SEPTIN9: variants seen among roughly 807,000 people sequenced by gnomAD.
SEPTIN9 encodes the protein septin-9.
SEPTIN9 carries 13 observed loss-of-function variants against 56.6 expected under a neutral mutation model. The observed-to-expected ratio is 0.23, with a 90% CI of 0.15 to 0.37. The LOEUF (loss-of-function observed/expected upper bound fraction) is 0.37. Among genes scored for constraint, SEPTIN9 ranks in the 10% least tolerant of loss-of-function variants. The pLI is 1.00. For synonymous variants in SEPTIN9, 332 were observed against 334.1 expected, an observed-to-expected ratio of 0.99 and a Z score of 0.07; for missense variants, 650 against 823.1, an observed-to-expected ratio of 0.79 and a Z score of 2.57.
At chr17:77,481,142 C>T (rs538639533) in intron 3 of SEPTIN9, among the ~76,000 whole-genome samples, 2 of 152,366 alleles carry the variant, frequency 1.3e-5, no homozygotes, top group South Asian at 4.1e-4. Context: ...GGGTCCTCAG[C>T]AGGCGTCTTC....
At chr17:77,311,499 G>T (rs151142978) in intron 2 of SEPTIN9, among the ~76,000 whole-genome samples, 2 of 152,172 alleles carry the variant, frequency 1.3e-5, no homozygotes, top group African/African-American at 2.4e-5. Context: ...AGGGCCCTGT[G>T]GGGGCAAGGC....
At chr17:77,284,169 G>C (rs2031165414) in intron 1 of SEPTIN9, among the ~76,000 whole-genome samples, 1 of 152,168 alleles carries the variant, frequency 6.6e-6, no homozygotes, top group Non-Finnish European at 1.5e-5. Flanking sequence ...AGGATCGCTT[G>C]AGCCCAGGAG....
chr17:77,499,817 G>A lies in SEPTIN9; in HGVS notation c.*1159G>A, dbSNP rs978804549. On this transcript the variant is annotated 3_prime_UTR_variant, in exon 12 of 12. Coordinates refer to ENST00000427177, the MANE Select transcript of SEPTIN9 (RefSeq NM_001113491.2). ...GGGAGGTGGGAGGCCAGGCGAGCCT[G>A]ACTCTGTTGATCTACCCGTGCCTGG... The A allele has an allele frequency of 3.0e-6, 1 of 336,434 alleles. No individual in the cohort carries two copies. Among genetic ancestry groups the A allele is most frequent in the Non-Finnish European group, 5.6e-6 (1 of 179,646 alleles). The allele number at this position is 336,434 out of a possible 1,614,324, so 20.8% of individuals were successfully genotyped here. A position where few individuals can be genotyped will look rare whatever the true frequency, so the allele number is the denominator to read the frequency against.
chr17:77,404,745 C>T (rs1266838637), intron 3 of SEPTIN9, among the ~76,000 whole-genome samples: 1 of 152,170 alleles, frequency 6.6e-6, no homozygotes, highest in East Asian at 1.9e-4. Flanking sequence ...CATCGGAACA[C>T]ACTGAGTAGC....
At position 77,330,000 on chromosome 17, in the gene SEPTIN9, A is replaced by C. The variant is rs576433679; in HGVS notation, c.76+22803A>C. Among the ~76,000 whole-genome samples, 4 of 152,230 alleles carry C rather than the reference A, an allele frequency of 2.6e-5. No homozygotes were observed. In the South Asian group the frequency reaches 8.3e-4, roughly 32 times the overall value. The stretch of plus-strand genomic sequence containing the variant: ...GCTCCAGGCAACACAGTCGAGCTGC[A>C]GCCCCCGCTCCATCCCCAGCTGGGG... On this transcript the variant is annotated intron_variant, in intron 2 of 11. Transcript: ENST00000427177. This position sits in a 1 kb window ranked among gnomAD's most constrained non-coding sequence, Gnocchi z 4.3.
At chr17:77,297,851 A>G (rs1386967804) in intron 1 of SEPTIN9, among the ~76,000 whole-genome samples, 1 of 152,248 alleles carries the variant, frequency 6.6e-6, no homozygotes, top group Admixed American at 6.5e-5. Context: ...GATTGCATAG[A>G]AAGTGACTGA....
At chr17:77,477,650 A>T (rs1007276936) in intron 3 of SEPTIN9, among the ~76,000 whole-genome samples, 4 of 152,186 alleles carry the variant, frequency 2.6e-5, no homozygotes, top group African/African-American at 4.8e-5. Flanking sequence ...AGGAGCTCGC[A>T]GAGCAGGAGC....
At chr17:77,391,398 C>T (rs1016616459) in intron 2 of SEPTIN9, among the ~76,000 whole-genome samples, 21 of 152,144 alleles carry the variant, frequency 1.4e-4, no homozygotes, top group Non-Finnish European at 2.1e-4. Context: ...GGCCTGCAGA[C>T]GCATCACCAT....
chr17:77,490,665 G>T lies in SEPTIN9; in HGVS notation c.1263-77G>T. 3 of 1,154,304 alleles carry T rather than the reference G, an allele frequency of 2.6e-6. No homozygotes were observed. In the South Asian group the frequency reaches 4.0e-5, roughly 15 times the overall value. The allele number at this position is 1,154,304 out of a possible 1,614,324, so 71.5% of individuals were successfully genotyped here. A position where few individuals can be genotyped will look rare whatever the true frequency, so the allele number is the denominator to read the frequency against. Reference sequence around the variant, plus strand: ...CCCCGAGCCAGCACCTGAGAGTGTCGACACCTGCTTGGGGGTGGGTGCCCC... The same window carrying T: ...CCCCGAGCCAGCACCTGAGAGTGTCTACACCTGCTTGGGGGTGGGTGCCCC... On this transcript the variant is annotated intron_variant, in intron 7 of 11. Transcript: ENST00000427177.
At chr17:77,395,690 G>A (rs546095815) in intron 2 of SEPTIN9, among the ~76,000 whole-genome samples, 1 of 152,304 alleles carries the variant, frequency 6.6e-6, no homozygotes, top group South Asian at 2.1e-4. Context: ...GGGTGTGAGT[G>A]TGTGTGTGCG....
intron 2 of SEPTIN9, among the ~76,000 whole-genome samples, chr17:77,324,246 G>A (rs1186584869): frequency 1.3e-5 from 2 of 152,174 alleles, no homozygotes; most frequent in African/African-American, 2.4e-5. Context: ...ACTTCATAAC[G>A]TCTGCAAAGA....
intron 1 of SEPTIN9, among the ~76,000 whole-genome samples, chr17:77,289,994 C>T (rs1025564751): frequency 1.3e-5 from 2 of 152,148 alleles, no homozygotes; most frequent in African/African-American, 4.8e-5. Flanking sequence ...ATGTTGAATT[C>T]TGTTCTTTTC....
At chr17:77,495,019 C>T (rs1313476614) in intron 10 of SEPTIN9, among the ~76,000 whole-genome samples, 1 of 152,230 alleles carries the variant, frequency 6.6e-6, no homozygotes, top group Non-Finnish European at 1.5e-5. Context: ...AGAGTTCTTG[C>T]TGTTTAGGAA....
chr17:77,347,469 G>A (rs2033925821), intron 2 of SEPTIN9, among the ~76,000 whole-genome samples: 1 of 151,728 alleles, frequency 6.6e-6, no homozygotes, highest in South Asian at 2.1e-4. Context: ...GTATTTTGAA[G>A]CTCCTTTGGT....
In SEPTIN9 at chr17:77,492,651, G is replaced by A. The variant is rs901377173; in HGVS notation, c.1411G>A (p.Asp471Asn). ...ITADLLSNGI[D>N]VYPQKEFDED... is the part of the protein sequence containing the mutation. ...CGCAGACCTGCTGTCCAACGGCATC[G>A]ACGTGTACCCCCAGAAGGAATTTGA... is the stretch of plus-strand genomic sequence containing the variant. The change falls in exon 9 of 12, where the codon GAC becomes AAC. Residue 471 changes from aspartate (D) to asparagine (N), a missense_variant. Physicochemically the swap from Asp to Asn is conservative, Grantham distance 23 (BLOSUM62 1). Coordinates refer to ENST00000427177, the MANE Select transcript of SEPTIN9 (RefSeq NM_001113491.2). This position sits in a 1 kb window ranked among gnomAD's most constrained non-coding sequence, Gnocchi z 5.4. The A allele has an allele frequency of 4.3e-6, 7 of 1,613,984 alleles. No individual in the cohort carries two copies. The highest frequency in any genetic ancestry group is 4.0e-5 in the African/African-American group (3 of 74,904).
chr17:77,283,800 A>G (rs1228037596), intron 1 of SEPTIN9, among the ~76,000 whole-genome samples: 1 of 152,218 alleles, frequency 6.6e-6, no homozygotes, highest in African/African-American at 2.4e-5. Context: ...ATAGACAGTC[A>G]TCGAAGACAC....
intron 3 of SEPTIN9, among the ~76,000 whole-genome samples, chr17:77,458,107 C>T (rs1024470059): frequency 3.9e-5 from 6 of 152,178 alleles, no homozygotes; most frequent in Non-Finnish European, 7.3e-5. Flanking sequence ...AACCTCTTCC[C>T]CTGGTATTTT....
intron 2 of SEPTIN9, among the ~76,000 whole-genome samples, chr17:77,342,964 G>T (rs1257162356): frequency 2.0e-5 from 3 of 150,882 alleles, no homozygotes; most frequent in Non-Finnish European, 4.4e-5. Context: ...GACAGAGGGA[G>T]ACTCTGTCTC....
At chr17:77,422,232 G>A (rs900389694) in intron 3 of SEPTIN9, among the ~76,000 whole-genome samples, 1 of 152,200 alleles carries the variant, frequency 6.6e-6, no homozygotes, top group Non-Finnish European at 1.5e-5. Context: ...TTCTTGAACA[G>A]CTCTGGGCTC....
Sources: allele counts gnomAD v4.1 joint callset (sites outside exome capture counted in the v4.1 genomes callset), GRCh38; gene constraint gnomAD v4.1.1; non-coding constraint Gnocchi (gnomAD v3.1); transcripts MANE v1.5; gene names NCBI Gene and HGNC (gene_info 2026-07-23, HGNC 2026-07-21).